The following CMTM4 variants were observed in gnomAD, a reference collection of about 807,000 sequenced individuals.
The protein encoded by CMTM4 is CKLF like MARVEL transmembrane domain containing 4, also known as CKLF-like MARVEL transmembrane domain-containing protein 4.
In CMTM4, 8 loss-of-function variants were observed where a neutral mutation model predicts 19.0. That is an observed-to-expected ratio of 0.42 (90% CI 0.25 to 0.76). The LOEUF is 0.76. CMTM4 is among the 30% of genes least tolerant of loss of function. The pLI is 0.27. For missense variants in CMTM4, 228 were observed against 290.2 expected, an observed-to-expected ratio of 0.79 and a Z score of 1.56; for synonymous variants, 106 against 121.1, an observed-to-expected ratio of 0.88 and a Z score of 0.82.
In CMTM4 at chr16:66,618,440, T is replaced by A; in HGVS notation, c.*3618A>T. 1 of 985,400 alleles carries A rather than the reference T, an allele frequency of 1.0e-6. No homozygotes were observed. The highest frequency in any genetic ancestry group is 1.2e-6 in the Non-Finnish European group (1 of 829,924). 61.0% of individuals were successfully genotyped at this position (985,400 alleles called of 1,614,324 possible). ...TTCAGGTGTCTCCATGCTCTATTCA[T>A]CTCCTAGGTGCTAAGACCAACCCAC... is the stretch of plus-strand genomic sequence containing the variant. On this transcript the variant is annotated 3_prime_UTR_variant, in exon 4 of 4. Coordinates refer to ENST00000394106, the MANE Select transcript of CMTM4 (RefSeq NM_181521.3).
chr16:66,606,854 T>TTGG, the CMTM4 span, among the ~76,000 whole-genome samples: 1 of 151,998 alleles, frequency 6.6e-6, no homozygotes, highest in South Asian at 2.1e-4. Flanking sequence ...TTAGCTGGGT[T>TTGG]TGGTGGCGGG....
chr16:66,604,821 C>T, the CMTM4 span: 1 of 1,303,864 alleles, frequency 7.7e-7, no homozygotes, highest in Non-Finnish European at 9.7e-7. Context: ...GCCCCCAGAC[C>T]CCGACCCCGA....
At chr16:66,623,538 AC>A in intron 2 of CMTM4, 36 bp from the exon 3 acceptor site, 1 of 1,472,790 alleles carries the variant, frequency 6.8e-7, no homozygotes, top group Non-Finnish European at 9.4e-7. Context: ...AGTGAAAAGA[AC>A]CATTCCATCT....
At chr16:66,686,865 C>T (rs915694615) in intron 1 of CMTM4, among the ~76,000 whole-genome samples, 4 of 151,998 alleles carry the variant, frequency 2.6e-5, no homozygotes, top group African/African-American at 4.8e-5. Context: ...CTCATGAGGA[C>T]ATTTATTGAC....
At position 66,678,990 on chromosome 16, in the gene CMTM4, T is replaced by C. The variant is rs186892786; in HGVS notation, c.186+17350A>G. On this transcript the variant is annotated intron_variant, in intron 1 of 3. Coordinates refer to ENST00000394106, the MANE Select transcript of CMTM4 (RefSeq NM_181521.3). ...GGTGCACGCCTGTGGTCCCAGCTAC[T>C]TGGGGGGCTGAGGTGGGAGGATCAC... Among the ~76,000 whole-genome samples, 1,428 of 151,750 alleles carry C rather than the reference T, an allele frequency of 9.4e-3. 14 individuals are homozygous for C. The highest frequency in any genetic ancestry group is 0.012 in the Non-Finnish European group (841 of 67,932).
At chr16:66,601,425 A>T in the CMTM4 span, among the ~76,000 whole-genome samples, 1 of 152,084 alleles carries the variant, frequency 6.6e-6, no homozygotes, top group Admixed American at 6.5e-5. Context: ...TCCTCTCTGT[A>T]CCTGGTCCTC....
chr16:66,636,418 T>A lies in CMTM4; in HGVS notation c.350A>T (p.Asn117Ile). ...GCTTGTACTCACTGTCAGATTCCAG[T>A]TGATCTGGGGGATCCTCATGTGCAG... Reference protein sequence around the residue: ...LNLHMRIPQINWNLTDLVNTG... With the variant: ...LNLHMRIPQIIWNLTDLVNTG... Residue 117 changes from asparagine (N) to isoleucine (I), a missense_variant, in exon 2 of 4, where the codon AAC becomes ATC. Coordinates refer to ENST00000394106, the MANE Select transcript of CMTM4 (RefSeq NM_181521.3). The A allele has an allele frequency of 2.5e-6, 4 of 1,614,054 alleles. No homozygotes were observed. Among genetic ancestry groups the A allele is most frequent in the Non-Finnish European group, 3.4e-6 (4 of 1,179,888 alleles).
At chr16:66,633,149 A>ATATATATATAAATATATATAT (rs1255199629) in intron 2 of CMTM4, among the ~76,000 whole-genome samples, 1 of 146,322 alleles carries the variant, frequency 6.8e-6, no homozygotes, top group African/African-American at 2.6e-5. Context: ...ATATATATCA[A>ATATATATATAAATATATATAT]AGTCCCACAA....
chr16:66,680,030 G>A (rs2016878715), intron 1 of CMTM4, among the ~76,000 whole-genome samples: 1 of 152,096 alleles, frequency 6.6e-6, no homozygotes, highest in South Asian at 2.1e-4. Context: ...GTGCCTGCCT[G>A]ATAAGCTTGC....
At chr16:66,683,194 CAT>C (rs71378405) in intron 1 of CMTM4, among the ~76,000 whole-genome samples, 36 of 107,642 alleles carry the variant, frequency 3.3e-4, no homozygotes, top group East Asian at 1.2e-3. Flanking sequence ...TATATATATA[CAT>C]ATATATATAT....
chr16:66,605,846 G>A, the CMTM4 span, among the ~76,000 whole-genome samples: 2 of 152,288 alleles, frequency 1.3e-5, no homozygotes, highest in South Asian at 2.1e-4. The surrounding 1 kb of genome is among the most constrained non-coding windows in gnomAD (Gnocchi z 4.6). Flanking sequence ...ACTCAGGGCA[G>A]AGGGCAGAAG....
At chr16:66,623,935 G>C (rs1389081373) in intron 2 of CMTM4, among the ~76,000 whole-genome samples, 1 of 152,106 alleles carries the variant, frequency 6.6e-6, no homozygotes, top group Non-Finnish European at 1.5e-5. Context: ...CACACAGAGA[G>C]CACACTTAGC....
intron 2 of CMTM4, among the ~76,000 whole-genome samples, chr16:66,625,443 A>G (rs533478654): frequency 1.3e-5 from 2 of 152,070 alleles, no homozygotes; most frequent in East Asian, 3.9e-4. Context: ...TCAAAAAAAA[A>G]AAAAAAGAAA....
Position 66,617,798 on chromosome 16 carries a change from C to T in CMTM4, c.*4260G>A. 2.0e-6 allele frequency: 2 copies of T among 998,166 alleles called. No homozygotes were observed. The highest frequency in any genetic ancestry group is 8.7e-5 in the South Asian group (2 of 22,916). 61.8% of individuals were successfully genotyped at this position (998,166 alleles called of 1,614,324 possible). ...GCTTCAGAGTCACCTGCTGGACCCA[C>T]ATGTTCCTGAGCCAGATGCCAGGAG... is the stretch of plus-strand genomic sequence containing the variant. On this transcript the variant is annotated 3_prime_UTR_variant, in exon 4 of 4. Transcript: ENST00000394106.
At chr16:66,648,535 A>G (rs890583380) in intron 1 of CMTM4, among the ~76,000 whole-genome samples, 4 of 151,278 alleles carry the variant, frequency 2.6e-5, no homozygotes, top group Non-Finnish European at 5.9e-5. Context: ...GCGCATGCCT[A>G]TAATCTCAGC....
the CMTM4 span, among the ~76,000 whole-genome samples, chr16:66,600,134 G>GGT: frequency 3.1e-5 from 4 of 129,800 alleles, no homozygotes; most frequent in Admixed American, 7.8e-5. Flanking sequence ...GTGTGTGTGT[G>GGT]TGTTTTTTTT....
intron 2 of CMTM4, among the ~76,000 whole-genome samples, chr16:66,635,411 C>T (rs899141956): frequency 7.2e-5 from 11 of 152,304 alleles, no homozygotes; most frequent in African/African-American, 2.6e-4. Context: ...CCAGAGAGCA[C>T]CTGTAAGGAG....
the CMTM4 span, among the ~76,000 whole-genome samples, chr16:66,608,698 G>T: frequency 6.6e-6 from 1 of 152,186 alleles, no homozygotes; most frequent in Non-Finnish European, 1.5e-5. This position sits in a 1 kb window ranked among gnomAD's most constrained non-coding sequence, Gnocchi z 5.1. Context: ...AGGGAACCCG[G>T]AGAGGGGTCT....
intron 1 of CMTM4, among the ~76,000 whole-genome samples, chr16:66,643,293 G>A (rs181597777): frequency 1.8e-4 from 27 of 152,252 alleles, no homozygotes; most frequent in Middle Eastern, 3.4e-3. Context: ...TTTAGCTGCC[G>A]GTTCCACGTG....
Sources: allele counts gnomAD v4.1 joint callset (sites outside exome capture counted in the v4.1 genomes callset), GRCh38; gene constraint gnomAD v4.1.1; non-coding constraint Gnocchi (gnomAD v3.1); transcripts MANE v1.5; gene names NCBI Gene and HGNC (gene_info 2026-07-23, HGNC 2026-07-21).